USP28: variants seen among roughly 807,000 people sequenced by gnomAD.
USP28 encodes ubiquitin specific peptidase 28, also known as ubiquitin carboxyl-terminal hydrolase 28.
Under a neutral mutation model 145.0 loss-of-function variants are expected in USP28, and 113 were observed. The ratio of observed to expected loss-of-function variants is 0.78; its 90% CI spans 0.67 to 0.91. The LOEUF is 0.91. Ranked by LOEUF, USP28 falls within the 40% of genes least tolerant of loss-of-function variation. USP28 has a pLI of 0.00. For missense variants in USP28, 1,201 were observed against 1,289.6 expected (o/e 0.93, Z 1.05); for synonymous variants, 447 against 450.9 (o/e 0.99, Z 0.11).
chr11:113,843,132 T>C (rs890578600), intron 3 of USP28, among the ~76,000 whole-genome samples: 4 of 152,192 alleles, frequency 2.6e-5, no homozygotes, highest in African/African-American at 9.6e-5. Flanking sequence ...CTTGGGAGGC[T>C]GAGGCAGGAG....
chr11:113,874,742 C>T, intron 1 of USP28: 1 of 1,172,414 alleles, frequency 8.5e-7, no homozygotes, highest in Non-Finnish European at 1.1e-6. Context: ...TTCTCTCAAA[C>T]CAGGGTTCTT....
intron 1 of USP28, among the ~76,000 whole-genome samples, chr11:113,856,161 T>C (rs187533985): frequency 9.8e-5 from 15 of 152,354 alleles, no homozygotes; most frequent in Admixed American, 7.8e-4. Context: ...TAAATACTAG[T>C]TGTTTTAAAC....
At chr11:113,849,081 T>C (rs1181649634) in intron 3 of USP28, among the ~76,000 whole-genome samples, 1 of 152,206 alleles carries the variant, frequency 6.6e-6, no homozygotes, top group Admixed American at 6.5e-5. Context: ...AGAGAAACAC[T>C]TCAGTGAGGA....
intron 12 of USP28, chr11:113,821,365 C>A: frequency 4.4e-6 from 1 of 228,778 alleles, no homozygotes. Flanking sequence ...ATCTCACAGC[C>A]AATTGCCACT....
At chr11:113,814,271 G>A (rs1169686747) in intron 14 of USP28, among the ~76,000 whole-genome samples, 1 of 152,178 alleles carries the variant, frequency 6.6e-6, no homozygotes, top group Admixed American at 6.5e-5. Context: ...GATCTGAAAT[G>A]AGAAAGCAGA....
chr11:113,803,615 T>C (rs933717181), intron 22 of USP28, among the ~76,000 whole-genome samples, 183 bp downstream of exon 23: 3 of 152,116 alleles, frequency 2.0e-5, no homozygotes, highest in African/African-American at 7.2e-5. Context: ...ATCTAATCAT[T>C]TGAAGGATGA....
chr11:113,829,067 C>T (rs1241120933), intron 10 of USP28, 130 bp downstream of exon 10: 2 of 1,260,124 alleles, frequency 1.6e-6, no homozygotes, highest in Non-Finnish European at 2.2e-6. Flanking sequence ...TGATGAGAGA[C>T]TTAAGACAAA....
At chr11:113,854,546 C>A (rs937412757) in intron 1 of USP28, among the ~76,000 whole-genome samples, 1 of 152,174 alleles carries the variant, frequency 6.6e-6, no homozygotes. Context: ...GGATTACAGG[C>A]ACAGGCCACC....
chr11:113,837,227 T>G (rs760538698), intron 5 of USP28, among the ~76,000 whole-genome samples: 7 of 152,260 alleles, frequency 4.6e-5, no homozygotes, highest in Admixed American at 1.3e-4. Context: ...CATGAGAATT[T>G]ACATTCCATG....
exon 4 of USP28, chr11:113,841,708 A>G (rs1050706312): frequency 6.2e-7 from 1 of 1,613,768 alleles, no homozygotes; most frequent in Non-Finnish European, 8.5e-7. Context: ...AGACTCCAGT[A>G]GACTCAAAGC....
intron 14 of USP28, among the ~76,000 whole-genome samples, chr11:113,814,377 G>T (rs796739715): frequency 6.6e-6 from 1 of 152,130 alleles, no homozygotes; most frequent in East Asian, 1.9e-4. Flanking sequence ...AGACAGGAAG[G>T]GGGGTAAGGT....
intron 13 of USP28, among the ~76,000 whole-genome samples, chr11:113,816,310 A>T (rs757707619): frequency 3.3e-5 from 5 of 152,112 alleles, no homozygotes; most frequent in Non-Finnish European, 7.4e-5. Flanking sequence ...AGGTCAAGAG[A>T]TCGAGACCAC....
intron 11 of USP28, 77 bp downstream of exon 11, chr11:113,827,156 C>A (rs374514693): frequency 1.3e-6 from 2 of 1,499,150 alleles, no homozygotes; most frequent in Non-Finnish European, 1.8e-6. Context: ...GTGATTCCTA[C>A]GCACACTATA....
exon 20 of USP28, chr11:113,804,896 C>T (rs201202073): frequency 7.4e-5 from 120 of 1,614,034 alleles, no homozygotes; most frequent in Non-Finnish European, 9.8e-5. Flanking sequence ...TTTTTATCTG[C>T]AAACTGTTCC....
intron 1 of USP28, among the ~76,000 whole-genome samples, chr11:113,871,546 T>A (rs1948820115): frequency 6.6e-6 from 1 of 152,060 alleles, no homozygotes; most frequent in South Asian, 2.1e-4. Context: ...ACAATCAAAG[T>A]CTCCAGACAT....
chr11:113,857,441 T>G (rs1947183655), intron 1 of USP28, among the ~76,000 whole-genome samples: 1 of 152,126 alleles, frequency 6.6e-6, no homozygotes, highest in African/African-American at 2.4e-5. Flanking sequence ...ATACACAGGT[T>G]TTTTGGTTTT....
chr11:113,819,617 A>T (rs966528812), intron 12 of USP28, among the ~76,000 whole-genome samples: 1 of 152,254 alleles, frequency 6.6e-6, no homozygotes, highest in African/African-American at 2.4e-5. Context: ...AAAAAATAAA[A>T]TCTGAAATTT....
At chr11:113,805,667 G>C (rs1286865491) in intron 19 of USP28, among the ~76,000 whole-genome samples, 2 of 152,134 alleles carry the variant, frequency 1.3e-5, no homozygotes, top group African/African-American at 4.8e-5. Context: ...TAAACTTAAA[G>C]AATCTATACA....
intron 8 of USP28, 23 bp downstream of exon 8, chr11:113,831,897 A>T (rs199511885): frequency 1.2e-6 from 2 of 1,607,516 alleles, no homozygotes; most frequent in East Asian, 4.5e-5. Flanking sequence ...GGAAGGATGT[A>T]CAAACAAACC....
Sources: gnomAD v4.1 joint callset for allele counts (sites outside exome capture counted in the v4.1 genomes callset) on GRCh38, gnomAD v4.1.1 for gene constraint, MANE v1.5 for transcripts, NCBI Gene and HGNC (gene_info 2026-07-23, HGNC 2026-07-21) for gene names.